The following LRSAM1 variants were observed in gnomAD, a reference collection of about 807,000 sequenced individuals.
The protein encoded by LRSAM1 is leucine rich repeat and sterile alpha motif containing 1.
LRSAM1 carries 96 observed loss-of-function variants against 118.1 expected under a neutral mutation model. The observed-to-expected ratio is 0.81, with a 90% CI of 0.69 to 0.96. LRSAM1 has a LOEUF of 0.96. Among genes scored for constraint, LRSAM1 ranks in the 40% least tolerant of loss-of-function variants. The pLI is 0.00. For missense variants in LRSAM1, 804 were observed against 915.5 expected (o/e 0.88, Z 1.57); for synonymous variants, 322 against 364.2 (o/e 0.88, Z 1.32).
chr9:127,461,126 T>C, intron 7 of LRSAM1, 47 bp from the exon 8 acceptor site: 1 of 1,496,486 alleles, frequency 6.7e-7, no homozygotes, highest in Non-Finnish European at 9.3e-7. Flanking sequence ...AGTGCTGGGA[T>C]TACAGGCATA....
intron 12 of LRSAM1, 149 bp downstream of exon 12, chr9:127,479,112 C>T (rs1835437712): frequency 4.2e-6 from 4 of 954,392 alleles, no homozygotes; most frequent in Non-Finnish European, 6.5e-6. Flanking sequence ...GCTGCATCCT[C>T]ACATGCCTCA....
At chr9:127,467,718 C>A (rs371724522) in intron 9 of LRSAM1, 22 bp from the exon 10 acceptor site, 1 of 1,600,498 alleles carries the variant, frequency 6.2e-7, no homozygotes, top group South Asian at 1.1e-5. Flanking sequence ...AACAGTAAAG[C>A]GGGTTACCCT....
chr9:127,461,403 G>T, intron 8 of LRSAM1, 146 bp downstream of exon 8: 1 of 673,222 alleles, frequency 1.5e-6, no homozygotes, highest in Non-Finnish European at 2.7e-6. Context: ...GACCCCTGCT[G>T]GGTCAGCTGT....
At chr9:127,491,067 C>T in intron 19 of LRSAM1, 148 bp from the exon 20 acceptor site, 1 of 735,630 alleles carries the variant, frequency 1.4e-6, no homozygotes, top group Non-Finnish European at 2.5e-6. Context: ...GACGAGGTTC[C>T]CAGGCCCGCA....
In LRSAM1 at chr9:127,455,646, A is replaced by G. The variant is rs1414259108; in HGVS notation, c.174+26A>G. The G allele has an allele frequency of 2.5e-6, 4 of 1,612,498 alleles. No individual in the cohort carries two copies. The East Asian group carries it at 8.9e-5, about 36-fold the overall frequency. ...GTAAGATGGAGCTTCATCTTCAGAGACTTTCTTGTTGCATGTCTGCTTGTT... is the reference window on the plus strand; with the variant it reads ...GTAAGATGGAGCTTCATCTTCAGAGGCTTTCTTGTTGCATGTCTGCTTGTT... On this transcript the variant is annotated intron_variant, in intron 5 of 25. Transcript: ENST00000300417.
At chr9:127,463,542 T>C (rs1251215497) in intron 9 of LRSAM1, among the ~76,000 whole-genome samples, 2 of 152,170 alleles carry the variant, frequency 1.3e-5, no homozygotes, top group Admixed American at 6.5e-5. Flanking sequence ...ATCTTCCCTG[T>C]GTACATGTCC....
At chr9:127,488,696 C>A (rs189498179) in intron 18 of LRSAM1, among the ~76,000 whole-genome samples, 80 of 151,650 alleles carry the variant, frequency 5.3e-4, no homozygotes, top group African/African-American at 1.6e-3. Context: ...TGGGCTCAAA[C>A]GATCCTCCCA....
intron 16 of LRSAM1, among the ~76,000 whole-genome samples, chr9:127,483,499 T>C (rs1835615160): frequency 6.6e-6 from 1 of 151,720 alleles, no homozygotes; most frequent in Non-Finnish European, 1.5e-5. Context: ...ATTGTTTAAA[T>C]AAATGTTGGT....
intron 24 of LRSAM1, among the ~76,000 whole-genome samples, chr9:127,500,318 G>A (rs2265688): frequency 0.64 from 91,550 of 144,018 alleles, 29,350 homozygotes; most frequent in Middle Eastern, 0.66. Flanking sequence ...CCGAGATCGC[G>A]CCACTGAACT....
chr9:127,479,934 G>C lies in LRSAM1; in HGVS notation c.999G>C (p.Gln333His). The change falls in exon 14 of 26, where the codon CAG becomes CAC. Residue 333 changes from glutamine (Q) to histidine (H), a missense_variant. Gln to His is a conservative substitution (Grantham distance 24). Coordinates refer to ENST00000300417, the MANE Select transcript of LRSAM1 (RefSeq NM_001005373.4). ...AGGAGCAGCTGAAGCAGACGGAACA[G>C]AACATTTCCAGCCGGATCCAGAAGC... The part of the protein sequence containing the change: ...RLQEQLKQTE[Q>H]NISSRIQKLL... The C allele has an allele frequency of 6.2e-7, 1 of 1,614,222 alleles. No individual in the cohort carries two copies. Among genetic ancestry groups the C allele is most frequent in the Non-Finnish European group, 8.5e-7 (1 of 1,180,040 alleles).
intron 15 of LRSAM1, among the ~76,000 whole-genome samples, chr9:127,482,070 A>C (rs951370743): frequency 6.6e-6 from 1 of 152,074 alleles, no homozygotes; most frequent in Admixed American, 6.6e-5. Flanking sequence ...ATTTCTCATT[A>C]AGGGAAAACA....
intron 18 of LRSAM1, among the ~76,000 whole-genome samples, chr9:127,488,435 T>C (rs1835811261): frequency 6.6e-6 from 1 of 152,030 alleles, no homozygotes; most frequent in South Asian, 2.1e-4. Context: ...CTAATTTTTG[T>C]ATTTTTAGTA....
intron 10 of LRSAM1, among the ~76,000 whole-genome samples, chr9:127,469,198 G>A (rs767826471): frequency 9.9e-5 from 15 of 152,060 alleles, no homozygotes; most frequent in African/African-American, 1.9e-4. Context: ...ATATCCACAC[G>A]GTGGCTCACA....
intron 12 of LRSAM1, 131 bp downstream of exon 12, chr9:127,479,094 C>A: frequency 1.0e-6 from 1 of 992,968 alleles, no homozygotes; most frequent in Non-Finnish European, 1.5e-6. Flanking sequence ...TCCTCTTACA[C>A]GCAGTCTGCT....
intron 24 of LRSAM1, 113 bp downstream of exon 24, chr9:127,497,447 C>T: frequency 3.7e-6 from 4 of 1,075,834 alleles, no homozygotes; most frequent in Non-Finnish European, 5.5e-6. Context: ...CTGGTTCTAG[C>T]CTCTGCTGGT....
At chr9:127,496,132 G>C (rs368199689) in intron 23 of LRSAM1, 37 bp downstream of exon 23, 1 of 1,601,738 alleles carries the variant, frequency 6.2e-7, no homozygotes, top group East Asian at 2.2e-5. Context: ...GGAGGGGCAC[G>C]CAAGGCCGCT....
At chr9:127,500,462 CTG>C (rs1836343118) in intron 24 of LRSAM1, among the ~76,000 whole-genome samples, 1 of 151,990 alleles carries the variant, frequency 6.6e-6, no homozygotes, top group Admixed American at 6.5e-5. Flanking sequence ...GCTGGGGACT[CTG>C]TGGGGCTGGG....
intron 20 of LRSAM1, among the ~76,000 whole-genome samples, chr9:127,491,595 C>T (rs906517845): frequency 1.3e-5 from 2 of 152,224 alleles, no homozygotes; most frequent in Non-Finnish European, 2.9e-5. Flanking sequence ...GTGCTGGGTG[C>T]GGGCCCGCCG....
chr9:127,462,322 A>C lies in LRSAM1; in HGVS notation c.477A>C (p.Gly159=). 1 of 1,614,086 alleles carries C rather than the reference A, an allele frequency of 6.2e-7. No individual in the cohort carries two copies. The highest frequency in any genetic ancestry group is 8.5e-7 in the Non-Finnish European group (1 of 1,180,010). Residue 159 remains glycine, a synonymous_variant, in exon 9 of 26, where the codon GGA becomes GGC. Coordinates refer to ENST00000300417, the MANE Select transcript of LRSAM1 (RefSeq NM_001005373.4). ...GCCTGCGTACCCTCAACATCAGTGG[A>C]AACGAGATCCAGAGATTGCCGCAGA... is the stretch of plus-strand genomic sequence containing the variant. The part of the protein sequence containing the change: ...LRSLRTLNIS[G]NEIQRLPQML...
Sources: gnomAD v4.1 joint callset for allele counts (sites outside exome capture counted in the v4.1 genomes callset) on GRCh38, gnomAD v4.1.1 for gene constraint, MANE v1.5 for transcripts, NCBI Gene and HGNC (gene_info 2026-07-23, HGNC 2026-07-21) for gene names.